TRHDE: variants seen among roughly 807,000 people sequenced by gnomAD.
TRHDE encodes thyrotropin-releasing hormone-degrading ectoenzyme.
In TRHDE, 72 loss-of-function variants were observed where a neutral mutation model predicts 125.7. The observed-to-expected ratio is 0.57, with a 90% CI of 0.47 to 0.70. The LOEUF is 0.70. Among genes scored for constraint, TRHDE ranks in the 30% least tolerant of loss-of-function variants. TRHDE has a pLI of 0.00. For synonymous variants in TRHDE, 509 were observed against 509.1 expected (o/e 1.00, Z 0.00); for missense variants, 1,110 against 1,327.1 (o/e 0.84, Z 2.54).
chr12:72,654,217 G>A (rs1874619309), intron 17 of TRHDE, among the ~76,000 whole-genome samples: 1 of 152,108 alleles, frequency 6.6e-6, no homozygotes, highest in Non-Finnish European at 1.5e-5. Context: ...TTGTAAATCA[G>A]CGTTCAGGGC....
chr12:72,540,592 C>T (rs1308452083), intron 6 of TRHDE, among the ~76,000 whole-genome samples: 3 of 151,600 alleles, frequency 2.0e-5, no homozygotes, highest in African/African-American at 7.3e-5. Context: ...TCCCAGTTGG[C>T]AATGGTCAGG....
chr12:72,113,779 T>C (rs1439843325), intron 2 of TRHDE, among the ~76,000 whole-genome samples: 1 of 152,112 alleles, frequency 6.6e-6, no homozygotes, highest in Non-Finnish European at 1.5e-5. Flanking sequence ...TATATCATAA[T>C]ATCATGTAAT....
At chr12:72,236,392 C>T (rs1878338044) in intron 2 of TRHDE, among the ~76,000 whole-genome samples, 1 of 152,112 alleles carries the variant, frequency 6.6e-6, no homozygotes, top group African/African-American at 2.4e-5. Context: ...ATGCTTATTT[C>T]TCACCTTTTT....
intron 2 of TRHDE, among the ~76,000 whole-genome samples, chr12:72,347,605 G>A (rs577779622): frequency 1.3e-5 from 2 of 152,014 alleles, no homozygotes; most frequent in Non-Finnish European, 2.9e-5. Context: ...TTACTAATGT[G>A]GTTGTTCACA....
At chr12:72,608,850 A>T (rs916807448) in intron 12 of TRHDE, among the ~76,000 whole-genome samples, 5 of 152,164 alleles carry the variant, frequency 3.3e-5, no homozygotes, top group African/African-American at 1.2e-4. Flanking sequence ...GGTGGCAAGA[A>T]TATCATGGGT....
intron 5 of TRHDE, among the ~76,000 whole-genome samples, chr12:72,486,703 C>T (rs577617406): frequency 2.3e-4 from 35 of 152,124 alleles, no homozygotes; most frequent in Admixed American, 3.9e-4. Context: ...AATAAGTGAC[C>T]GCACCACTAA....
intron 6 of TRHDE, among the ~76,000 whole-genome samples, chr12:72,509,605 G>T (rs1012412647): frequency 6.6e-6 from 1 of 152,032 alleles, no homozygotes; most frequent in Admixed American, 6.6e-5. Flanking sequence ...ACCTTCTCAA[G>T]AAGACCTCCC....
At chr12:72,373,641 TG>T (rs1341315393) in intron 2 of TRHDE, among the ~76,000 whole-genome samples, 1 of 152,194 alleles carries the variant, frequency 6.6e-6, no homozygotes, top group Non-Finnish European at 1.5e-5. Context: ...TAGATGGTCC[TG>T]GGGTCAGAGG....
At chr12:72,445,215 A>G (rs938402448) in intron 3 of TRHDE, among the ~76,000 whole-genome samples, 1 of 151,800 alleles carries the variant, frequency 6.6e-6, no homozygotes, top group African/African-American at 2.4e-5. Context: ...ATTTAATGCT[A>G]TTAAATATAG....
intron 2 of TRHDE, among the ~76,000 whole-genome samples, chr12:72,211,135 C>T (rs151047585): frequency 1.2e-3 from 181 of 152,186 alleles, no homozygotes; most frequent in African/African-American, 4.1e-3. Flanking sequence ...TTTCTGCTTC[C>T]GGACAAAGCT....
At chr12:72,299,928 A>G (rs1160855172) in intron 2 of TRHDE, among the ~76,000 whole-genome samples, 1 of 152,138 alleles carries the variant, frequency 6.6e-6, no homozygotes, top group Non-Finnish European at 1.5e-5. Flanking sequence ...ATTGAGAAGT[A>G]TTGGGTCTTG....
rs1375104325 is a variant in TRHDE at position 72,238,860 on chromosome 12, A to G, written n.279+133108A>G. ...GATGCCACAATAAACATATGTGTGC[A>G]TGTGTCTTTACAGGAGAATGATTTA... On this transcript the variant is annotated intron_variant and non_coding_transcript_variant, in intron 2 of 4. Coordinates refer to the TRHDE transcript ENST00000548156. 3.3e-5 allele frequency among the ~76,000 whole-genome samples: 5 copies of G among 152,298 alleles called. No individual in the cohort carries two copies. In the East Asian group the frequency reaches 5.8e-4, roughly 18 times the overall value.
chr12:72,528,709 G>A (rs116994511), intron 6 of TRHDE, among the ~76,000 whole-genome samples: 8,354 of 151,852 alleles, frequency 0.055, 323 homozygotes, highest in Admixed American at 0.13. Flanking sequence ...GGCTGGTCTC[G>A]AACTCCTGAT....
chr12:72,303,811 A>G (rs1476899222), intron 2 of TRHDE, among the ~76,000 whole-genome samples: 1 of 152,158 alleles, frequency 6.6e-6, no homozygotes, highest in Non-Finnish European at 1.5e-5. Context: ...TCTTTATGTC[A>G]CATGGCCATG....
chr12:72,307,314 G>A (rs1043066023), intron 2 of TRHDE, among the ~76,000 whole-genome samples: 3 of 148,982 alleles, frequency 2.0e-5, no homozygotes, highest in Non-Finnish European at 4.4e-5. Context: ...ACAGGCATGC[G>A]CCACCATACC....
chr12:72,103,497 T>A (rs552452683), intron 1 of TRHDE, among the ~76,000 whole-genome samples: 1 of 152,168 alleles, frequency 6.6e-6, no homozygotes, highest in South Asian at 2.1e-4. Context: ...CATCCCTTGC[T>A]GAAGACCCTG....
intron 2 of TRHDE, among the ~76,000 whole-genome samples, chr12:72,153,629 A>G (rs928951182): frequency 6.6e-6 from 1 of 152,018 alleles, no homozygotes; most frequent in Non-Finnish European, 1.5e-5. Flanking sequence ...GAACATCTTT[A>G]TTTCTGCCTT....
chr12:72,167,349 G>T (rs1361271326), intron 2 of TRHDE, among the ~76,000 whole-genome samples: 1 of 152,092 alleles, frequency 6.6e-6, no homozygotes, highest in Non-Finnish European at 1.5e-5. Flanking sequence ...TAGTCTGGTG[G>T]TAGACAGATT....
intron 2 of TRHDE, among the ~76,000 whole-genome samples, chr12:72,107,016 G>A (rs568564716): frequency 6.6e-6 from 1 of 152,118 alleles, no homozygotes; most frequent in African/African-American, 2.4e-5. Context: ...CTCCAAGACT[G>A]TGTAGACTCA....
Sources: allele counts gnomAD v4.1 joint callset (sites outside exome capture counted in the v4.1 genomes callset), GRCh38; gene constraint gnomAD v4.1.1; transcripts MANE v1.5; gene names NCBI Gene and HGNC (gene_info 2026-07-23, HGNC 2026-07-21).